Variants in D2HGDH observed in about 807,000 individuals in gnomAD.
D2HGDH encodes D-2-hydroxyglutarate dehydrogenase.
A neutral mutation model predicts 46.9 loss-of-function variants in D2HGDH; 31 were observed. The ratio of observed to expected loss-of-function variants is 0.66; its 90% CI spans 0.50 to 0.89. D2HGDH has a LOEUF of 0.89. D2HGDH is among the 40% of genes least tolerant of loss of function. The probability of loss-of-function intolerance (pLI) is 0.00; values close to 1 mark genes in which losing one functional copy is unlikely to be tolerated. For synonymous variants in D2HGDH, 364 were observed against 332.6 expected (o/e 1.09, Z -1.03); for missense variants, 698 against 720.8 (o/e 0.97, Z 0.36).
chr2:241,761,369 T>C (rs1698800550), intron 9 of D2HGDH, among the ~76,000 whole-genome samples: 1 of 151,990 alleles, frequency 6.6e-6, no homozygotes, highest in African/African-American at 2.4e-5. Flanking sequence ...TGACACCCCA[T>C]CTCTACTAAA....
chr2:241,738,721 C>T (rs376031094), intron 2 of D2HGDH, among the ~76,000 whole-genome samples: 9 of 152,224 alleles, frequency 5.9e-5, no homozygotes, highest in African/African-American at 1.2e-4. Flanking sequence ...GCTGCAGGGC[C>T]GCCCCTCGGT....
intron 2 of D2HGDH, chr2:241,736,228 A>G (rs1692776270): frequency 6.6e-6 from 1 of 152,316 alleles, no homozygotes; most frequent in South Asian, 2.1e-4. Context: ...AGGATTGAAA[A>G]AACAAAAAGT....
In D2HGDH at chr2:241,768,159, G is replaced by A. The variant is rs796257274; in HGVS notation, c.*190G>A. On this transcript the variant is annotated 3_prime_UTR_variant, in exon 10 of 10. Coordinates refer to ENST00000321264, the MANE Select transcript of D2HGDH (RefSeq NM_152783.5). ...GGGCAGGAGCATCTGGCAGAGTGGGGGGCGTGGCAGGCACCCTCCTTTGCA... is the reference window on the plus strand; with the variant it reads ...GGGCAGGAGCATCTGGCAGAGTGGGAGGCGTGGCAGGCACCCTCCTTTGCA... 1.0e-5 allele frequency: 9 copies of A among 876,480 alleles called. No individual in the cohort carries two copies. The Admixed American group carries it at 2.6e-4, about 26-fold the overall frequency. The allele number at this position is 876,480 out of a possible 1,614,324, so 54.3% of individuals were successfully genotyped here.
At position 241,767,979 on chromosome 2, in the gene D2HGDH, C is replaced by G; in HGVS notation, c.*10C>G. On this transcript the variant is annotated 3_prime_UTR_variant, in exon 10 of 10. Coordinates refer to ENST00000321264, the MANE Select transcript of D2HGDH (RefSeq NM_152783.5). ...GCCCAGCCAGGCCTGACGGCCACTC[C>G]TGCTGCTGCCAAGGCCCACTGGGGG... is the stretch of plus-strand genomic sequence containing the variant. 1.9e-6 allele frequency: 3 copies of G among 1,581,008 alleles called. No homozygotes were observed. The highest frequency in any genetic ancestry group is 2.6e-6 in the Non-Finnish European group (3 of 1,168,446).
intron 6 of D2HGDH, chr2:241,749,487 G>C: frequency 1.1e-6 from 1 of 905,308 alleles, no homozygotes. Context: ...CTTTGCACTT[G>C]AGGGTCGGCT....
rs367686483 is a variant in D2HGDH, at chr2:241,755,915, G to T, written c.1207G>T (p.Asp403Tyr). The change falls in exon 9 of 10, where the codon GAC becomes TAC. Residue 403 changes from aspartate (D) to tyrosine (Y), a missense_variant. Transcript: ENST00000321264. The stretch of plus-strand genomic sequence containing the variant: ...CCGGGATGGCTACGTGTACAAGTAC[G>T]ACCTCTCCCTCCCTGTGGAGCGGCT... ...LSRDGYVYKY[D>Y]LSLPVERLYD... The T allele has an allele frequency of 6.2e-7, 1 of 1,613,102 alleles. No individual in the cohort carries two copies. Among genetic ancestry groups the T allele is most frequent in the Non-Finnish European group, 8.5e-7 (1 of 1,179,648 alleles).
At position 241,767,493 on chromosome 2, in the gene D2HGDH, G is replaced by T. The variant is rs572898721; in HGVS notation, c.1307-217G>T. Among the ~76,000 whole-genome samples the T allele has an allele frequency of 2.9e-3, 391 of 136,152 alleles. 5 individuals carry two copies. The highest frequency in any genetic ancestry group is 4.1e-3 in the Non-Finnish European group (262 of 64,142). The allele number at this position is 136,152 out of a possible 152,430, so 89.3% of individuals were successfully genotyped here. A position where few individuals can be genotyped will look rare whatever the true frequency, so the allele number is the denominator to read the frequency against. On this transcript the variant is annotated intron_variant, in intron 9 of 9. Coordinates refer to ENST00000321264, the MANE Select transcript of D2HGDH (RefSeq NM_152783.5). The stretch of plus-strand genomic sequence containing the variant: ...GAGCCCCGGGCTGAGGGAGTAGGAA[G>T]AGGGGGGAGAACTTGGGGAGAGAAG...
rs1467335283 is a variant in D2HGDH at position 241,768,043 on chromosome 2, C to CT, written c.*75dup. ...CTCGGGCGGGGGTGTTGCGGTGGCTCTGAGGGATGAGCCGGCAGTGGGCAG... is the reference window on the plus strand; with the variant it reads ...CTCGGGCGGGGGTGTTGCGGTGGCTCTTGAGGGATGAGCCGGCAGTGGGCAG... On this transcript the variant is annotated 3_prime_UTR_variant, in exon 10 of 10. Transcript: ENST00000321264. 2.9e-5 allele frequency: 44 copies of CT among 1,500,780 alleles called. No homozygotes were observed. Among genetic ancestry groups the CT allele is most frequent in the Non-Finnish European group, 3.8e-5 (43 of 1,126,162 alleles). 93.0% of individuals were successfully genotyped at this position (1,500,780 alleles called of 1,614,324 possible).
At chr2:241,737,476 C>T (rs531764766) in intron 2 of D2HGDH, among the ~76,000 whole-genome samples, 2 of 145,334 alleles carry the variant, frequency 1.4e-5, no homozygotes, top group Admixed American at 1.4e-4. Flanking sequence ...CTTTTGGTAA[C>T]AGTGCCCAGT....
Position 241,742,636 on chromosome 2 carries a change from T to C in D2HGDH, c.490+62T>C, listed in dbSNP as rs1308528247. On this transcript the variant is annotated intron_variant, in intron 4 of 9. Coordinates refer to ENST00000321264, the MANE Select transcript of D2HGDH (RefSeq NM_152783.5). The surrounding 1 kb of genome is among the most constrained non-coding windows in gnomAD (Gnocchi z 4.8). ...TCCTGGTGCTGGTGGAGTTCTTCCT[T>C]GCCAGCGTCTGCAACTGTGGGGTGC... 2 of 1,597,108 alleles carry C rather than the reference T, an allele frequency of 1.3e-6. No individual in the cohort carries two copies. Among genetic ancestry groups the C allele is most frequent in the Admixed American group, 3.3e-5 (2 of 59,962 alleles).
At chr2:241,751,104 T>C (rs1360948312) in intron 7 of D2HGDH, 142 bp from the exon 8 acceptor site, 1 of 1,108,722 alleles carries the variant, frequency 9.0e-7, no homozygotes, top group Non-Finnish European at 1.3e-6. Context: ...ACCAGAGAGC[T>C]GTGTGCTCCG....
At chr2:241,751,136 G>A (rs1176242756) in intron 7 of D2HGDH, 110 bp from the exon 8 acceptor site, 5 of 1,470,906 alleles carry the variant, frequency 3.4e-6, no homozygotes, top group Non-Finnish European at 4.7e-6. Context: ...GGTCCTTCTT[G>A]GCCACGAAAG....
intron 6 of D2HGDH, 94 bp downstream of exon 6, chr2:241,744,971 G>GGCCC: frequency 2.8e-6 from 4 of 1,441,534 alleles, no homozygotes; most frequent in Middle Eastern, 1.9e-4. Context: ...GGGATGGAGG[G>GGCCC]ACCCCCCGCC....
chr2:241,746,517 G>GC (rs1252401124), intron 6 of D2HGDH, among the ~76,000 whole-genome samples: 1 of 152,162 alleles, frequency 6.6e-6, no homozygotes, highest in Non-Finnish European at 1.5e-5. Context: ...ACTTTGGGAG[G>GC]CCAAGGCGGG....
chr2:241,753,891 C>A (rs1468272120), intron 8 of D2HGDH, among the ~76,000 whole-genome samples: 1 of 152,242 alleles, frequency 6.6e-6, no homozygotes, highest in Non-Finnish European at 1.5e-5. Context: ...AGCCCATGGC[C>A]CCTCAGAGCC....
At chr2:241,755,388 C>G (rs1459046974) in intron 8 of D2HGDH, 5 of 1,304,794 alleles carry the variant, frequency 3.8e-6, no homozygotes, top group Non-Finnish European at 4.0e-6. Flanking sequence ...CTGCCCCACC[C>G]TGGTTCAGGG....
intron 9 of D2HGDH, among the ~76,000 whole-genome samples, chr2:241,761,877 G>A (rs757396559): frequency 2.6e-5 from 4 of 151,994 alleles, no homozygotes; most frequent in Non-Finnish European, 4.4e-5. Context: ...TACTGATTTA[G>A]TTGATAAAAA....
chr2:241,760,535 ATCAG>A (rs1057158483), intron 9 of D2HGDH, among the ~76,000 whole-genome samples: 44 of 148,836 alleles, frequency 3.0e-4, no homozygotes, highest in African/African-American at 3.8e-4. Context: ...GCCTTACCCA[ATCAG>A]TCAAAGGCCT....
At chr2:241,746,168 T>C (rs1262566425) in intron 6 of D2HGDH, among the ~76,000 whole-genome samples, 1 of 152,188 alleles carries the variant, frequency 6.6e-6, no homozygotes, top group Non-Finnish European at 1.5e-5. Context: ...GGACTGTGAT[T>C]CAGGATAGAA....
Sources: allele counts gnomAD v4.1 joint callset (sites outside exome capture counted in the v4.1 genomes callset), GRCh38; gene constraint gnomAD v4.1.1; non-coding constraint Gnocchi (gnomAD v3.1); transcripts MANE v1.5; gene names NCBI Gene and HGNC (gene_info 2026-07-23, HGNC 2026-07-21).